Variants in ASNS observed in about 807,000 individuals in gnomAD.
ASNS encodes asparagine synthetase [glutamine-hydrolyzing].
In ASNS, 37 loss-of-function variants were observed where a neutral mutation model predicts 62.6. That is an observed-to-expected ratio of 0.59 (90% CI 0.45 to 0.78). The LOEUF is 0.78. Among genes scored for constraint, ASNS ranks in the 30% least tolerant of loss-of-function variants. The pLI is 0.00. For missense variants in ASNS, 520 were observed against 682.4 expected (o/e 0.76, Z 2.65); for synonymous variants, 207 against 237.9 (o/e 0.87, Z 1.19).
chr7:97,883,801 C>T, the ASNS span, among the ~76,000 whole-genome samples: 60 of 152,122 alleles, frequency 3.9e-4, no homozygotes, highest in African/African-American at 1.4e-3. Flanking sequence ...TTCTCCCTAA[C>T]ACGTTGAAAC....
At chr7:97,865,425 G>A (rs1048548912) in intron 3 of ASNS, among the ~76,000 whole-genome samples, 1 of 152,112 alleles carries the variant, frequency 6.6e-6, no homozygotes, top group African/African-American at 2.4e-5. Flanking sequence ...GAGGCATTCG[G>A]CCAGATGACT....
the ASNS span, among the ~76,000 whole-genome samples, chr7:97,885,026 G>C: frequency 9.2e-5 from 14 of 152,256 alleles, 1 homozygote; most frequent in African/African-American, 3.4e-4. Flanking sequence ...CCGAGTAGCT[G>C]GGATTACAGG....
chr7:97,871,668 C>T (rs1792269786), intron 1 of ASNS: 1 of 152,268 alleles, frequency 6.6e-6, no homozygotes, highest in South Asian at 2.1e-4. Flanking sequence ...AAAAGGCATG[C>T]TAGTTCTTTT....
At chr7:97,899,835 C>A in the ASNS span, among the ~76,000 whole-genome samples, 2 of 152,196 alleles carry the variant, frequency 1.3e-5, no homozygotes, top group African/African-American at 2.4e-5. Context: ...TGGATTAACT[C>A]TCTCTTTGGG....
At chr7:97,901,458 G>C in the ASNS span, among the ~76,000 whole-genome samples, 1 of 152,140 alleles carries the variant, frequency 6.6e-6, no homozygotes, top group African/African-American at 2.4e-5. Flanking sequence ...CTCCCAAAGT[G>C]CTGGCATTAC....
At chr7:97,864,595 C>G (rs1791878380) in intron 3 of ASNS, 99 bp from the exon 4 acceptor site, 11 of 823,834 alleles carry the variant, frequency 1.3e-5, no homozygotes, top group Middle Eastern at 5.0e-4. Context: ...GCTCTATAAT[C>G]CTTTCATGCA....
At chr7:97,915,080 C>A in the ASNS span, among the ~76,000 whole-genome samples, 4 of 152,220 alleles carry the variant, frequency 2.6e-5, no homozygotes, top group African/African-American at 7.2e-5. Flanking sequence ...TTCCTACAGA[C>A]AACTGTGCTT....
the ASNS span, among the ~76,000 whole-genome samples, chr7:97,878,989 T>C: frequency 0.82 from 124,758 of 152,076 alleles, 51,848 homozygotes; most frequent in African/African-American, 0.95. Context: ...GAAATAATGC[T>C]ACATTATCTA....
At chr7:97,871,745 A>T (rs1176035868) in intron 1 of ASNS, 1 of 151,602 alleles carries the variant, frequency 6.6e-6, no homozygotes, top group Non-Finnish European at 1.5e-5. Flanking sequence ...TTGCTCAGCA[A>T]GTCACTTGAT....
the ASNS span, chr7:97,886,133 T>G: frequency 3.0e-6 from 1 of 334,556 alleles, no homozygotes; most frequent in African/African-American, 2.1e-5. Context: ...TACTGTTGTG[T>G]TTTTTTTGTT....
chr7:97,863,601 T>TCAA (rs1791825201), intron 4 of ASNS: 1 of 151,996 alleles, frequency 6.6e-6, no homozygotes, highest in East Asian at 1.9e-4. Flanking sequence ...AGCCCACGAG[T>TCAA]TCAAGGCTGC....
the ASNS span, among the ~76,000 whole-genome samples, chr7:97,883,957 C>T: frequency 1.2e-3 from 167 of 143,978 alleles, 2 homozygotes; most frequent in African/African-American, 4.3e-3. Context: ...CACTGCACTC[C>T]GGCCTGGGCG....
At position 97,858,271 on chromosome 7, in the gene ASNS, A is replaced by C. The variant is rs1584463250; in HGVS notation, c.903+7T>G. On this transcript the variant is annotated splice_region_variant and intron_variant, in intron 7 of 12. Coordinates refer to ENST00000394308, the MANE Select transcript of ASNS (RefSeq NM_001673.5). ...ACACTACACAAGGGACAGAGACAGC[A>C]CCTTACCTTTCTAGCAGCCAGTAAA... is the stretch of plus-strand genomic sequence containing the variant. The C allele has an allele frequency of 6.2e-7, 1 of 1,612,584 alleles. No individual in the cohort carries two copies.
At chr7:97,878,030 C>A in the ASNS span, among the ~76,000 whole-genome samples, 2 of 152,146 alleles carry the variant, frequency 1.3e-5, no homozygotes, top group Non-Finnish European at 2.9e-5. Context: ...ATGAGAGCAG[C>A]CCACAGGTTG....
At chr7:97,858,188 CAGT>C in intron 7 of ASNS, 87 bp downstream of exon 7, 5 of 1,504,330 alleles carry the variant, frequency 3.3e-6, no homozygotes, top group South Asian at 1.3e-5. Context: ...AATACAGCAG[CAGT>C]AGAATCACCC....
At chr7:97,859,486 T>C in intron 4 of ASNS, 88 bp from the exon 5 acceptor site, 1 of 1,395,576 alleles carries the variant, frequency 7.2e-7, no homozygotes, top group East Asian at 2.3e-5. Flanking sequence ...ACATTCCTAT[T>C]TTCCCTTTTT....
rs1791558191 is a variant in ASNS at position 97,858,402 on chromosome 7, C to T, written c.779G>A (p.Gly260Asp). 4 of 1,613,896 alleles carry T rather than the reference C, an allele frequency of 2.5e-6. No homozygotes were observed. The highest frequency in any genetic ancestry group is 2.7e-5 in the African/African-American group (2 of 74,900). ...DRRIGCLLSG[G>D]LDSSLVAATL... is the part of the protein sequence containing the mutation. ...GGCAGCAACCAAGCTGGAGTCCAAGCCCCCTACATGCAAAAGAGGAAGTGG... is the reference window on the plus strand; with the variant it reads ...GGCAGCAACCAAGCTGGAGTCCAAGTCCCCTACATGCAAAAGAGGAAGTGG... Residue 260 changes from glycine (G) to aspartate (D), a missense_variant, in exon 7 of 13, where the codon GGC (glycine) becomes GAC (aspartate). Transcript: ENST00000394308.
intron 1 of ASNS, chr7:97,871,987 T>C (rs1284340593): frequency 6.6e-6 from 1 of 151,662 alleles, no homozygotes; most frequent in Admixed American, 6.6e-5. Flanking sequence ...ACCGCGAAAA[T>C]GTCCACAGGC....
chr7:97,881,608 A>C, the ASNS span, among the ~76,000 whole-genome samples: 1 of 152,212 alleles, frequency 6.6e-6, no homozygotes, highest in Non-Finnish European at 1.5e-5. Flanking sequence ...TATCCATACA[A>C]TGGAAATATT....
Sources: allele counts gnomAD v4.1 joint callset (sites outside exome capture counted in the v4.1 genomes callset), GRCh38; gene constraint gnomAD v4.1.1; transcripts MANE v1.5; gene names NCBI Gene and HGNC (gene_info 2026-07-23, HGNC 2026-07-21).